Variants in CRY1 observed in about 807,000 individuals in gnomAD.
CRY1 encodes cryptochrome-1.
CRY1 carries 45 observed loss-of-function variants against 76.0 expected under a neutral mutation model. The ratio of observed to expected loss-of-function variants is 0.59; its 90% CI spans 0.47 to 0.76. The LOEUF (loss-of-function observed/expected upper bound fraction) is 0.76, where lower values mean the gene tolerates loss of function less well. CRY1 is among the 30% of genes least tolerant of loss of function. The pLI is 0.00. For missense variants in CRY1, 587 were observed against 716.4 expected (o/e 0.82, Z 2.06); for synonymous variants, 248 against 244.0 (o/e 1.02, Z -0.15).
rs1055772183 is a variant in CRY1, at chr12:107,041,496, C to T, written c.159-19304G>A. ...AGGTTGACTTAACACTAGCATAAGGCTATGTAATTTATGCCTTCCTAATCT... is the reference window on the plus strand; with the variant it reads ...AGGTTGACTTAACACTAGCATAAGGTTATGTAATTTATGCCTTCCTAATCT... On this transcript the variant is annotated intron_variant, in intron 1 of 12. Coordinates refer to ENST00000008527, the MANE Select transcript of CRY1 (RefSeq NM_004075.5). 7.2e-5 allele frequency among the ~76,000 whole-genome samples: 11 copies of T among 152,126 alleles called. No homozygotes were observed. The East Asian group carries it at 1.5e-3, about 21-fold the overall frequency.
intron 2 of CRY1, among the ~76,000 whole-genome samples, chr12:107,012,535 A>C (rs1952456945): frequency 6.6e-6 from 1 of 152,264 alleles, no homozygotes; most frequent in Admixed American, 6.5e-5. Context: ...GAGATTTATT[A>C]GGGAGATTAA....
At position 107,086,047 on chromosome 12, in the gene CRY1, TTA is replaced by T. The variant is rs1953396757; in HGVS notation, c.158+6755_158+6756del. ...AAACTAAAACAAAAAAATGGCCACA[TTA>T]TATGTTATGCTTGTTAACAAAAAAC... On this transcript the variant is annotated intron_variant, in intron 1 of 12. Coordinates refer to ENST00000008527, the MANE Select transcript of CRY1 (RefSeq NM_004075.5). Among the ~76,000 whole-genome samples the T allele has an allele frequency of 3.3e-5, 5 of 152,190 alleles. No individual in the cohort carries two copies. In the South Asian group the frequency reaches 1.0e-3, roughly 32 times the overall value.
chr12:107,040,709 T>A lies in CRY1; in HGVS notation c.159-18517A>T, dbSNP rs559854874. ...TTCCTACAGCAATAAAATATATTTTTAAAAAAAAGAAGAGGGAAGAGTAGA... is the reference window on the plus strand; with the variant it reads ...TTCCTACAGCAATAAAATATATTTTAAAAAAAAAGAAGAGGGAAGAGTAGA... On this transcript the variant is annotated intron_variant, in intron 1 of 12. Transcript: ENST00000008527. Among the ~76,000 whole-genome samples, 186 of 151,768 alleles carry A rather than the reference T, an allele frequency of 1.2e-3. 1 individual carries two copies. Among genetic ancestry groups the A allele is most frequent in the Admixed American group, 2.2e-3 (33 of 15,240 alleles).
chr12:107,048,036 A>C (rs116348694), intron 1 of CRY1, among the ~76,000 whole-genome samples: 1 of 152,202 alleles, frequency 6.6e-6, no homozygotes, highest in Non-Finnish European at 1.5e-5. Context: ...CTATTATAAA[A>C]TAACTGTTCA....
chr12:107,091,388 G>A (rs1953470042), intron 1 of CRY1, among the ~76,000 whole-genome samples: 1 of 151,936 alleles, frequency 6.6e-6, no homozygotes, highest in Admixed American at 6.6e-5. Context: ...CCTGTATTTT[G>A]CCTTCAGAAT....
In CRY1 at chr12:107,000,910, A is replaced by G. The variant is rs571101711; in HGVS notation, c.684+370T>C. Among the ~76,000 whole-genome samples, 7 of 152,304 alleles carry G rather than the reference A, an allele frequency of 4.6e-5. No homozygotes were observed. In the South Asian group the frequency reaches 1.5e-3, roughly 32 times the overall value. ...AGTGATCCACCTGCGTCAGCCTCCC[A>G]AAGTGCTGGGATTACAGGCGTAAGC... On this transcript the variant is annotated intron_variant, in intron 5 of 12. Coordinates refer to ENST00000008527, the MANE Select transcript of CRY1 (RefSeq NM_004075.5).
At chr12:106,998,390 A>G (rs1474069597) in intron 7 of CRY1, among the ~76,000 whole-genome samples, 1 of 152,224 alleles carries the variant, frequency 6.6e-6, no homozygotes, top group Non-Finnish European at 1.5e-5. Flanking sequence ...TAGTAGACAC[A>G]GGAAAAGCAG....
At chr12:106,992,706 T>C (rs1466170520) in intron 12 of CRY1, 81 bp downstream of exon 12, 10 of 1,204,832 alleles carry the variant, frequency 8.3e-6, no homozygotes, top group Non-Finnish European at 3.6e-6. Context: ...AAATAGAGAT[T>C]TGCTCCATTT....
intron 2 of CRY1, among the ~76,000 whole-genome samples, chr12:107,016,019 A>C (rs1162550297): frequency 6.6e-6 from 1 of 152,208 alleles, no homozygotes; most frequent in African/African-American, 2.4e-5. Flanking sequence ...AAATGAATAT[A>C]AAGTTCTTGG....
chr12:107,075,613 A>G (rs59501975), intron 1 of CRY1, among the ~76,000 whole-genome samples: 1 of 152,328 alleles, frequency 6.6e-6, no homozygotes, highest in East Asian at 1.9e-4. Flanking sequence ...ACTCATTTAT[A>G]CATTCAATAC....
At chr12:106,997,270 T>C (rs1195174234) in intron 10 of CRY1, 24 bp downstream of exon 10, 3 of 1,576,790 alleles carry the variant, frequency 1.9e-6, no homozygotes, top group South Asian at 2.2e-5. Flanking sequence ...TGTTACTAAG[T>C]GCAGAAATTT....
At chr12:107,086,257 T>G (rs561527439) in intron 1 of CRY1, among the ~76,000 whole-genome samples, 4 of 152,228 alleles carry the variant, frequency 2.6e-5, no homozygotes, top group South Asian at 2.1e-4. Context: ...AGCTAATAAT[T>G]AAGAGAAAAA....
chr12:107,010,150 A>G (rs1162222196), intron 2 of CRY1, among the ~76,000 whole-genome samples: 1 of 149,120 alleles, frequency 6.7e-6, no homozygotes, highest in Non-Finnish European at 1.5e-5. Flanking sequence ...TCTCAGATAT[A>G]TAATTTATTG....
At chr12:107,027,020 A>C (rs1369859344) in intron 1 of CRY1, among the ~76,000 whole-genome samples, 2 of 152,162 alleles carry the variant, frequency 1.3e-5, no homozygotes, top group Admixed American at 6.6e-5. Flanking sequence ...CTAATCTCTA[A>C]GCATATAATT....
At chr12:107,084,080 A>G (rs963834123) in intron 1 of CRY1, among the ~76,000 whole-genome samples, 1 of 152,218 alleles carries the variant, frequency 6.6e-6, no homozygotes, top group Non-Finnish European at 1.5e-5. Flanking sequence ...CCCATTCACA[A>G]CTGCTACAAA....
At position 106,997,222 on chromosome 12, in the gene CRY1, G is replaced by A. The variant is rs981954910; in HGVS notation, c.1585+72C>T. 3 of 1,280,514 alleles carry A rather than the reference G, an allele frequency of 2.3e-6. No individual in the cohort carries two copies. The Admixed American group carries it at 5.6e-5, about 24-fold the overall frequency. 79.3% of individuals were successfully genotyped at this position (1,280,514 alleles called of 1,614,324 possible). A position where few individuals can be genotyped will look rare whatever the true frequency, so the allele number is the denominator to read the frequency against. ...AGATTTTTATAAAATATGTTAGTGA[G>A]GATCAATAACAAATATATTTGTTTA... On this transcript the variant is annotated intron_variant, in intron 10 of 12. Transcript: ENST00000008527.
intron 1 of CRY1, among the ~76,000 whole-genome samples, chr12:107,033,761 G>C (rs894515369): frequency 6.6e-6 from 1 of 151,284 alleles, no homozygotes; most frequent in Admixed American, 6.6e-5. Flanking sequence ...AAAATACTTA[G>C]GGAAAACAGC....
intron 2 of CRY1, among the ~76,000 whole-genome samples, chr12:107,015,032 C>T (rs1419560742): frequency 3.9e-5 from 6 of 152,088 alleles, no homozygotes; most frequent in Non-Finnish European, 5.9e-5. Context: ...TGTGCATCAC[C>T]ACTCCCAGCT....
At chr12:107,075,138 T>G (rs1020476210) in intron 1 of CRY1, among the ~76,000 whole-genome samples, 1 of 152,214 alleles carries the variant, frequency 6.6e-6, no homozygotes, top group African/African-American at 2.4e-5. Flanking sequence ...TGCTGACTGA[T>G]GGACATGGCT....
Sources: gnomAD v4.1 joint callset for allele counts (sites outside exome capture counted in the v4.1 genomes callset) on GRCh38, gnomAD v4.1.1 for gene constraint, MANE v1.5 for transcripts, NCBI Gene and HGNC (gene_info 2026-07-23, HGNC 2026-07-21) for gene names.